The following ADAM22 variants were observed in gnomAD, a reference collection of about 807,000 sequenced individuals.
The protein encoded by ADAM22 is ADAM metallopeptidase domain 22.
ADAM22 carries 65 observed loss-of-function variants against 144.6 expected under a neutral mutation model. The ratio of observed to expected loss-of-function variants is 0.45; its 90% confidence interval spans 0.37 to 0.55. The LOEUF (loss-of-function observed/expected upper bound fraction) is 0.55. Among genes scored for constraint, ADAM22 ranks in the 20% least tolerant of loss-of-function variants. The pLI is 0.00. For synonymous variants in ADAM22, 391 were observed against 412.6 expected, an observed-to-expected ratio of 0.95 and a Z score of 0.63; for missense variants, 974 against 1,184.9, an observed-to-expected ratio of 0.82 and a Z score of 2.61.
intron 2 of ADAM22, 41 bp from the exon 3 acceptor site, chr7:87,978,295 G>A: frequency 6.8e-7 from 1 of 1,473,368 alleles, no homozygotes. Context: ...TGATTAGTAT[G>A]GCTGAGTAAT....
In ADAM22 at chr7:87,976,766, T is replaced by A. The variant is rs550348190; in HGVS notation, c.247-1570T>A. Among the ~76,000 whole-genome samples the A allele has an allele frequency of 2.6e-5, 4 of 152,144 alleles. No homozygotes were observed. The East Asian group carries it at 7.7e-4, about 29-fold the overall frequency. ...TGAACTAAAGAGCAGAAGAGAGAAC[T>A]GAGTGTAGGTGGGCTATGGGTAGGT... On this transcript the variant is annotated intron_variant, in intron 2 of 31. Coordinates refer to ENST00000413139, the MANE Select transcript of ADAM22 (RefSeq NM_001324418.2).
chr7:88,038,115 G>C (rs1390551175), intron 3 of ADAM22, among the ~76,000 whole-genome samples: 1 of 152,176 alleles, frequency 6.6e-6, no homozygotes, highest in African/African-American at 2.4e-5. Flanking sequence ...ACCTAGCTCA[G>C]TTCCTGACAA....
At chr7:88,120,163 GT>G (rs879288804) in intron 7 of ADAM22, among the ~76,000 whole-genome samples, 5 of 150,892 alleles carry the variant, frequency 3.3e-5, no homozygotes, top group East Asian at 2.0e-4. Context: ...GAGAACCACT[GT>G]TTTTTTTTAA....
Position 88,155,879 on chromosome 7 carries a change from T to G in ADAM22, c.1788-8T>G. The G allele has an allele frequency of 6.2e-7, 1 of 1,610,726 alleles. No individual in the cohort carries two copies. Among genetic ancestry groups the G allele is most frequent in the Non-Finnish European group, 8.5e-7 (1 of 1,178,682 alleles). On this transcript the variant is annotated splice_polypyrimidine_tract_variant and splice_region_variant and intron_variant, in intron 21 of 31. Transcript: ENST00000413139. ...GGAAAAGAAGTAATTGGTAATCTTT[T>G]GATACAGGGATGTGCTTTGTGGTTA... is the stretch of plus-strand genomic sequence containing the variant.
intron 4 of ADAM22, among the ~76,000 whole-genome samples, chr7:88,079,390 A>T (rs1004244296): frequency 2.0e-5 from 3 of 152,192 alleles, no homozygotes; most frequent in African/African-American, 7.2e-5. Flanking sequence ...CGCTGCAAAA[A>T]CATGCCAAAT....
chr7:88,081,240 C>T (rs926402210), intron 4 of ADAM22, among the ~76,000 whole-genome samples: 2 of 152,002 alleles, frequency 1.3e-5, no homozygotes, highest in Non-Finnish European at 2.9e-5. Flanking sequence ...AGACAAAAAC[C>T]ACATGATTAT....
At chr7:87,982,333 G>T (rs1853754348) in intron 3 of ADAM22, among the ~76,000 whole-genome samples, 1 of 151,868 alleles carries the variant, frequency 6.6e-6, no homozygotes, top group Non-Finnish European at 1.5e-5. Context: ...TCGAGAATTG[G>T]TTGTCCGGGA....
chr7:88,026,656 A>G (rs1799096896), intron 3 of ADAM22, among the ~76,000 whole-genome samples: 1 of 152,238 alleles, frequency 6.6e-6, no homozygotes, highest in Non-Finnish European at 1.5e-5. Flanking sequence ...ATACAAGATT[A>G]TATAATCTGC....
intron 3 of ADAM22, among the ~76,000 whole-genome samples, chr7:88,056,047 A>C (rs554924682): frequency 6.6e-6 from 1 of 152,212 alleles, no homozygotes; most frequent in African/African-American, 2.4e-5. Context: ...ATTTTGGGAA[A>C]TATTCTGTTA....
rs1257427608 is a variant in ADAM22 at position 88,199,161 on chromosome 7, C to T, written c.*2670C>T. On this transcript the variant is annotated 3_prime_UTR_variant, in exon 32 of 32. Coordinates refer to ENST00000413139, the MANE Select transcript of ADAM22 (RefSeq NM_001324418.2). ...TAAATATACAAGCACAGCATTATTT[C>T]TCTTTAAATATCTATTTTGGAGAGA... 1 of 152,172 alleles carries T rather than the reference C, an allele frequency of 6.6e-6. No individual in the cohort carries two copies. Among genetic ancestry groups the T allele is most frequent in the African/African-American group, 2.4e-5 (1 of 41,432 alleles). 9.4% of individuals were successfully genotyped at this position (152,172 alleles called of 1,614,324 possible). A position where few individuals can be genotyped will look rare whatever the true frequency, so the allele number is the denominator to read the frequency against.
intron 2 of ADAM22, among the ~76,000 whole-genome samples, chr7:87,958,532 C>A (rs575487530): frequency 1.3e-5 from 2 of 151,744 alleles, no homozygotes; most frequent in African/African-American, 4.8e-5. Flanking sequence ...ATTACAGGCA[C>A]GCACCATCAT....
chr7:88,157,313 AG>A (rs1358523217), intron 22 of ADAM22, among the ~76,000 whole-genome samples: 1 of 152,166 alleles, frequency 6.6e-6, no homozygotes, highest in African/African-American at 2.4e-5. Context: ...TTAGAACCTT[AG>A]AACAAAGCAA....
At chr7:88,179,500 C>T (rs1239920877) in intron 27 of ADAM22, among the ~76,000 whole-genome samples, 2 of 151,920 alleles carry the variant, frequency 1.3e-5, no homozygotes, top group Non-Finnish European at 2.9e-5. Context: ...AAGCTAAGCT[C>T]GCTATGAAAC....
intron 2 of ADAM22, among the ~76,000 whole-genome samples, chr7:87,953,422 G>A: frequency 6.6e-6 from 1 of 152,034 alleles, no homozygotes; most frequent in Admixed American, 6.6e-5. Context: ...TCAGGAGCAG[G>A]TTGTTCAGTT....
intron 4 of ADAM22, among the ~76,000 whole-genome samples, chr7:88,082,691 A>G (rs933695959): frequency 1.3e-5 from 2 of 152,244 alleles, no homozygotes; most frequent in Non-Finnish European, 2.9e-5. Flanking sequence ...ATGAACAGAC[A>G]CTTCTCAAAA....
Position 88,130,112 on chromosome 7 carries a change from T to C in ADAM22, c.754-276T>C, listed in dbSNP as rs777854780. Among the ~76,000 whole-genome samples, 3 of 138,334 alleles carry C rather than the reference T, an allele frequency of 2.2e-5. No individual in the cohort carries two copies. In the Admixed American group the frequency reaches 2.4e-4, roughly 11 times the overall value. The allele number at this position is 138,334 out of a possible 152,430, so 90.8% of individuals were successfully genotyped here. A position where few individuals can be genotyped will look rare whatever the true frequency, so the allele number is the denominator to read the frequency against. On this transcript the variant is annotated intron_variant, in intron 9 of 31. Transcript: ENST00000413139. Reference sequence around the variant, plus strand: ...AACAATCCCAATAAAAATAAACTTATGAAATGGATGGATTGGGTATTTTTT... The same window carrying C: ...AACAATCCCAATAAAAATAAACTTACGAAATGGATGGATTGGGTATTTTTT...
At chr7:88,101,712 C>G (rs1822979275) in intron 4 of ADAM22, among the ~76,000 whole-genome samples, 1 of 152,158 alleles carries the variant, frequency 6.6e-6, no homozygotes, top group Non-Finnish European at 1.5e-5. Context: ...GAGTGGAGTA[C>G]TACATTCTGT....
chr7:87,934,600 C>T (rs754929186), intron 1 of ADAM22, 50 bp downstream of exon 1: 2 of 1,543,594 alleles, frequency 1.3e-6, no homozygotes, highest in South Asian at 1.2e-5. Flanking sequence ...TCCCGGGAAT[C>T]TTTGGAGCCC....
At chr7:87,992,867 A>T (rs1219419714) in intron 3 of ADAM22, among the ~76,000 whole-genome samples, 2 of 152,138 alleles carry the variant, frequency 1.3e-5, no homozygotes, top group Non-Finnish European at 2.9e-5. Context: ...GACTCATTGT[A>T]GGGAAACGGA....
Sources: gnomAD v4.1 joint callset for allele counts (sites outside exome capture counted in the v4.1 genomes callset) on GRCh38, gnomAD v4.1.1 for gene constraint, MANE v1.5 for transcripts, NCBI Gene and HGNC (gene_info 2026-07-23, HGNC 2026-07-21) for gene names.